Variants in ATG16L1 observed in about 807,000 individuals in gnomAD.
The protein encoded by ATG16L1 is autophagy-related protein 16-1.
A neutral mutation model predicts 88.5 loss-of-function variants in ATG16L1; 37 were observed. The observed-to-expected ratio is 0.42, with a 90% CI of 0.32 to 0.55. The LOEUF is 0.55. Among genes scored for constraint, ATG16L1 ranks in the 20% least tolerant of loss-of-function variants. The pLI, the probability that ATG16L1 is intolerant of heterozygous loss-of-function variation, is 0.13. For missense variants in ATG16L1, 554 were observed against 752.8 expected, an observed-to-expected ratio of 0.74 and a Z score of 3.09; for synonymous variants, 301 against 281.0, an observed-to-expected ratio of 1.07 and a Z score of -0.71.
intron 12 of ATG16L1, chr2:233,283,132 A>G (rs773796017): frequency 5.3e-6 from 1 of 189,144 alleles, no homozygotes; most frequent in South Asian, 1.1e-4. Flanking sequence ...AAATGGATGT[A>G]TCATAGGGAT....
At chr2:233,292,507 A>T in intron 16 of ATG16L1, 73 bp downstream of exon 16, 1 of 1,591,934 alleles carries the variant, frequency 6.3e-7, no homozygotes, top group Non-Finnish European at 8.6e-7. Flanking sequence ...CCCACTGGGG[A>T]TATAGAGCTA....
At chr2:233,285,290 G>A (rs778170303) in intron 12 of ATG16L1, among the ~76,000 whole-genome samples, 2 of 152,228 alleles carry the variant, frequency 1.3e-5, no homozygotes, top group African/African-American at 2.4e-5. Context: ...CCTTAGAGGA[G>A]AAGAGGAAGA....
intron 16 of ATG16L1, 120 bp downstream of exon 16, chr2:233,292,554 G>GT: frequency 8.3e-7 from 1 of 1,210,582 alleles, no homozygotes; most frequent in Non-Finnish European, 1.2e-6. Flanking sequence ...TTCCAGGAGT[G>GT]TGCCTGTAAG....
intron 2 of ATG16L1, among the ~76,000 whole-genome samples, chr2:233,258,857 C>T (rs1270249000): frequency 6.6e-6 from 1 of 152,136 alleles, no homozygotes. Context: ...CACCACCATG[C>T]CAGTCTAATT....
chr2:233,275,913 G>T lies in ATG16L1; in HGVS notation c.954+1135G>T, dbSNP rs773719981. On this transcript the variant is annotated intron_variant, in intron 9 of 17. Transcript: ENST00000392017. ...TGAGAGTGATCGGCTCACAGCTGAC[G>T]AGTATCCAACAAAACCAGTTACACA... 5.8e-6 allele frequency: 3 copies of T among 519,210 alleles called. No homozygotes were observed. The Admixed American group carries it at 5.8e-5, about 10-fold the overall frequency. The allele number at this position is 519,210 out of a possible 1,614,324, so 32.2% of individuals were successfully genotyped here.
intron 4 of ATG16L1, 55 bp from the exon 5 acceptor site, chr2:233,264,837 C>T: frequency 6.2e-7 from 1 of 1,603,772 alleles, no homozygotes; most frequent in Non-Finnish European, 8.5e-7. Context: ...GTCCGTCTGG[C>T]TCTGGCACAG....
At chr2:233,267,416 A>G (rs1697679391) in intron 5 of ATG16L1, among the ~76,000 whole-genome samples, 1 of 152,190 alleles carries the variant, frequency 6.6e-6, no homozygotes, top group East Asian at 1.9e-4. Flanking sequence ...CGAAAATAGG[A>G]CACAAAATGT....
rs570903313 is a variant in ATG16L1 at position 233,282,629 on chromosome 2, T to C, written c.1132-53T>C. The C allele has an allele frequency of 6.8e-6, 10 of 1,479,616 alleles. No homozygotes were observed. In the Admixed American group the frequency reaches 1.5e-4, roughly 22 times the overall value. The allele number at this position is 1,479,616 out of a possible 1,614,324, so 91.7% of individuals were successfully genotyped here. ...ATTGGGGAATTTATATCGTGTGAACTGAATTCCTCTGATTTGGCTAAAAAT... is the reference window on the plus strand; with the variant it reads ...ATTGGGGAATTTATATCGTGTGAACCGAATTCCTCTGATTTGGCTAAAAAT... On this transcript the variant is annotated intron_variant, in intron 11 of 17. Coordinates refer to ENST00000392017, the MANE Select transcript of ATG16L1 (RefSeq NM_030803.7).
At chr2:233,294,222 TGAAAC>T in intron 17 of ATG16L1, 30 bp from the exon 18 acceptor site, 1 of 1,515,882 alleles carries the variant, frequency 6.6e-7, no homozygotes, top group Non-Finnish European at 9.0e-7. Context: ...CCAAATGTTC[TGAAAC>T]TTGGTGCTTT....
In ATG16L1 at chr2:233,265,196, A is replaced by T. The variant is rs1287350847; in HGVS notation, c.641+53A>T. ...TTCCATCCTTAGTAGAGTAGAACCT[A>T]GGTCTTTGAAAAGAAAGAGATAAAC... is the stretch of plus-strand genomic sequence containing the variant. On this transcript the variant is annotated intron_variant, in intron 5 of 17. Transcript: ENST00000392017. The T allele has an allele frequency of 7.6e-6, 12 of 1,579,614 alleles. No homozygotes were observed. In the East Asian group the frequency reaches 1.8e-4, roughly 24 times the overall value.
At chr2:233,288,647 A>G (rs1248714388) in intron 12 of ATG16L1, 3 of 425,020 alleles carry the variant, frequency 7.1e-6, no homozygotes, top group African/African-American at 6.1e-5. Flanking sequence ...TTTTACACAT[A>G]GAAAAATGTT....
chr2:233,281,896 G>A (rs1366942276), intron 11 of ATG16L1, among the ~76,000 whole-genome samples: 2 of 152,094 alleles, frequency 1.3e-5, no homozygotes, highest in Non-Finnish European at 2.9e-5. Context: ...GCACGGTGGT[G>A]GTCTATATCT....
chr2:233,293,682 C>G (rs1321987133), intron 17 of ATG16L1, among the ~76,000 whole-genome samples: 2 of 152,196 alleles, frequency 1.3e-5, no homozygotes, highest in African/African-American at 4.8e-5. Context: ...TTCCGCCTCC[C>G]TGTCTCCCTT....
At chr2:233,279,503 G>C (rs890739254) in intron 10 of ATG16L1, among the ~76,000 whole-genome samples, 25 of 152,262 alleles carry the variant, frequency 1.6e-4, no homozygotes, top group African/African-American at 4.8e-4. Context: ...TTTTGTGTAG[G>C]GCCTTTCTTC....
At chr2:233,253,451 T>A (rs1443076258) in intron 1 of ATG16L1, among the ~76,000 whole-genome samples, 1 of 145,170 alleles carries the variant, frequency 6.9e-6, no homozygotes, top group Non-Finnish European at 1.5e-5. Context: ...GTTCAAGAGA[T>A]CCTCCTGCCT....
intron 12 of ATG16L1, among the ~76,000 whole-genome samples, chr2:233,289,377 A>ATATGTGTGTGTGTGTGTGTGTGTGTGTG (rs1553608984): frequency 7.7e-6 from 1 of 129,060 alleles, no homozygotes; most frequent in Non-Finnish European, 1.6e-5. Flanking sequence ...CCTGTTTGGG[A>ATATGTGTGTGTGTGTGTGTGTGTGTGTG]TGTGTGTGTG....
chr2:233,282,936 C>T (rs1357681713), intron 12 of ATG16L1, 183 bp downstream of exon 12: 3 of 563,294 alleles, frequency 5.3e-6, no homozygotes, highest in Admixed American at 6.2e-5. Flanking sequence ...GTCCAAAACT[C>T]AGTTTCAAAA....
At chr2:233,256,262 C>T in intron 2 of ATG16L1, 67 bp downstream of exon 2, 1 of 1,335,862 alleles carries the variant, frequency 7.5e-7, no homozygotes, top group Non-Finnish European at 1.1e-6. Context: ...TCAGTTGTCA[C>T]TTCTCTAATT....
intron 1 of ATG16L1, among the ~76,000 whole-genome samples, chr2:233,252,758 A>G (rs1049182627): frequency 6.6e-5 from 10 of 152,100 alleles, no homozygotes; most frequent in African/African-American, 2.4e-4. Flanking sequence ...AATCTTCAGT[A>G]TGAAAGAGGT....
Sources: gnomAD v4.1 joint callset for allele counts (sites outside exome capture counted in the v4.1 genomes callset) on GRCh38, gnomAD v4.1.1 for gene constraint, MANE v1.5 for transcripts, NCBI Gene and HGNC (gene_info 2026-07-23, HGNC 2026-07-21) for gene names.